AKT3: variants seen among roughly 807,000 people sequenced by gnomAD.
AKT3 encodes the protein RAC-gamma serine/threonine-protein kinase.
AKT3 carries 15 observed loss-of-function variants against 65.3 expected under a neutral mutation model. The observed-to-expected ratio is 0.23, with a 90% confidence interval of 0.15 to 0.35. AKT3 has a LOEUF of 0.35. AKT3 is among the 10% of genes least tolerant of loss of function. The pLI is 1.00. For missense variants in AKT3, 243 were observed against 576.5 expected, an observed-to-expected ratio of 0.42 and a Z score of 5.92; for synonymous variants, 206 against 183.8, an observed-to-expected ratio of 1.12 and a Z score of -0.98.
intron 8 of AKT3, among the ~76,000 whole-genome samples, chr1:243,597,813 G>T (rs1385750499): frequency 6.6e-6 from 1 of 152,212 alleles, no homozygotes; most frequent in Non-Finnish European, 1.5e-5. Context: ...CTTAAATGCA[G>T]AGACCATCTG....
intron 2 of AKT3, among the ~76,000 whole-genome samples, chr1:243,761,047 G>A (rs1689462580): frequency 6.6e-6 from 1 of 152,090 alleles, no homozygotes; most frequent in Admixed American, 6.6e-5. Context: ...AGTATCTGTG[G>A]CCCCTTTATG....
chr1:243,615,693 A>C (rs1341647884), intron 6 of AKT3, among the ~76,000 whole-genome samples: 1 of 152,108 alleles, frequency 6.6e-6, no homozygotes, highest in East Asian at 1.9e-4. Flanking sequence ...AAAGGAACAG[A>C]GTATAAAAAT....
At chr1:243,810,068 C>T (rs1381204231) in intron 2 of AKT3, among the ~76,000 whole-genome samples, 7 of 152,074 alleles carry the variant, frequency 4.6e-5, no homozygotes, top group Admixed American at 3.3e-4. Flanking sequence ...TAAATGCCCA[C>T]AAGAGAAAGC....
chr1:243,545,955 G>GGCT, intron 11 of AKT3, among the ~76,000 whole-genome samples: 1 of 152,174 alleles, frequency 6.6e-6, no homozygotes, highest in East Asian at 1.9e-4. Context: ...GCAAGGGTTA[G>GGCT]AAACAACATA....
intron 5 of AKT3, among the ~76,000 whole-genome samples, chr1:243,644,867 G>A (rs1680687128): frequency 6.6e-6 from 1 of 152,110 alleles, no homozygotes; most frequent in African/African-American, 2.4e-5. Flanking sequence ...TTGCAATGAT[G>A]GAGGAACAAG....
Position 243,652,869 on chromosome 1 carries a change from T to C in AKT3, c.285-6832A>G, listed in dbSNP as rs1049621828. On this transcript the variant is annotated intron_variant, in intron 4 of 13. Transcript: ENST00000673466. ...GATCATAAGAGACAAAGAAAGGCAT[T>C]ACATAATGGTAAAGGGATCGATGCA... Among the ~76,000 whole-genome samples, 6 of 149,216 alleles carry C rather than the reference T, an allele frequency of 4.0e-5. No individual in the cohort carries two copies. The East Asian group carries it at 7.9e-4, about 20-fold the overall frequency.
intron 2 of AKT3, among the ~76,000 whole-genome samples, chr1:243,721,459 A>G (rs1473864241): frequency 6.6e-6 from 1 of 152,102 alleles, no homozygotes; most frequent in African/African-American, 2.4e-5. Flanking sequence ...TAGTTGTCCC[A>G]TATGTTTGGG....
At chr1:243,535,737 C>A (rs1298180769) in intron 12 of AKT3, among the ~76,000 whole-genome samples, 1 of 152,026 alleles carries the variant, frequency 6.6e-6, no homozygotes, top group African/African-American at 2.4e-5. Flanking sequence ...GTGTAGATAC[C>A]TACTAGTGGA....
At chr1:243,605,481 T>C (rs775926804) in intron 8 of AKT3, among the ~76,000 whole-genome samples, 2 of 152,232 alleles carry the variant, frequency 1.3e-5, no homozygotes, top group Non-Finnish European at 2.9e-5. Flanking sequence ...AGCAAATTTA[T>C]ATCTCTCATC....
chr1:243,706,616 T>C (rs940500202), intron 2 of AKT3, among the ~76,000 whole-genome samples: 1 of 152,220 alleles, frequency 6.6e-6, no homozygotes, highest in Non-Finnish European at 1.5e-5. Context: ...GATGAATCCA[T>C]GCCCTTCATA....
chr1:243,682,737 T>C (rs1365277532), intron 3 of AKT3, among the ~76,000 whole-genome samples: 1 of 152,178 alleles, frequency 6.6e-6, no homozygotes, highest in Non-Finnish European at 1.5e-5. Context: ...TTTGACAAGA[T>C]GAAAAGAAAT....
intron 10 of AKT3, among the ~76,000 whole-genome samples, chr1:243,561,708 T>C (rs1422030889): frequency 6.6e-6 from 1 of 152,150 alleles, no homozygotes; most frequent in Non-Finnish European, 1.5e-5. Context: ...ACAATAACTG[T>C]ATTGGAGTTT....
At chr1:243,763,260 A>G (rs1008691620) in intron 2 of AKT3, among the ~76,000 whole-genome samples, 1 of 152,124 alleles carries the variant, frequency 6.6e-6, no homozygotes, top group African/African-American at 2.4e-5. Flanking sequence ...TATAAACTTT[A>G]CAGCCTCAGA....
intron 8 of AKT3, among the ~76,000 whole-genome samples, chr1:243,596,058 C>A (rs1314575081): frequency 6.6e-6 from 1 of 152,050 alleles, no homozygotes; most frequent in Non-Finnish European, 1.5e-5. Context: ...CATCACTAGG[C>A]AATATGAATT....
intron 6 of AKT3, among the ~76,000 whole-genome samples, chr1:243,628,099 G>C (rs1679316804): frequency 6.6e-6 from 1 of 152,178 alleles, no homozygotes; most frequent in Non-Finnish European, 1.5e-5. Flanking sequence ...TCATTAGAGA[G>C]ACGATTATTG....
In AKT3 at chr1:243,500,232, CA is replaced by C. The variant is rs1669134303; in HGVS notation, c.*5016del. ...ATTTTTCTTTTCATGATCTATATAT[CA>C]ATCATCCTTCACCTTTAATCAATGT... On this transcript the variant is annotated 3_prime_UTR_variant, in exon 14 of 14. Transcript: ENST00000673466. 1 of 249,914 alleles carries C rather than the reference CA, an allele frequency of 4.0e-6. No homozygotes were observed. The highest frequency in any genetic ancestry group is 2.2e-5 in the African/African-American group (1 of 45,560). 15.5% of individuals were successfully genotyped at this position (249,914 alleles called of 1,614,324 possible).
At chr1:243,553,413 A>C (rs1167336139) in intron 10 of AKT3, among the ~76,000 whole-genome samples, 1 of 152,210 alleles carries the variant, frequency 6.6e-6, no homozygotes, top group Admixed American at 6.5e-5. Flanking sequence ...AGTGAAAGAC[A>C]GTAGTAAACA....
chr1:243,724,706 T>A (rs1338043595), intron 2 of AKT3, among the ~76,000 whole-genome samples: 1 of 152,180 alleles, frequency 6.6e-6, no homozygotes, highest in Non-Finnish European at 1.5e-5. Flanking sequence ...AGGTGGACTA[T>A]TGCCCTCCCT....
intron 2 of AKT3, among the ~76,000 whole-genome samples, chr1:243,807,358 C>A (rs1452285781): frequency 6.6e-6 from 1 of 152,234 alleles, no homozygotes; most frequent in Non-Finnish European, 1.5e-5. Flanking sequence ...TTCCAACGGA[C>A]TTAGCAAACG....
Sources: gnomAD v4.1 joint callset for allele counts (sites outside exome capture counted in the v4.1 genomes callset) on GRCh38, gnomAD v4.1.1 for gene constraint, MANE v1.5 for transcripts, NCBI Gene and HGNC (gene_info 2026-07-23, HGNC 2026-07-21) for gene names.